Variants in SMG1 observed in about 807,000 individuals in gnomAD.
The protein encoded by SMG1 is serine/threonine-protein kinase SMG1.
Under a neutral mutation model 419.9 loss-of-function variants are expected in SMG1, and 22 were observed. That is an observed-to-expected ratio of 0.05 (90% CI 0.04 to 0.07). The LOEUF (loss-of-function observed/expected upper bound fraction) is 0.07. SMG1 is among the 10% of genes least tolerant of loss of function. The pLI is 1.00. For missense variants in SMG1, 3,185 were observed against 4,342.0 expected, an observed-to-expected ratio of 0.73 and a Z score of 7.49; for synonymous variants, 1,538 against 1,553.5, an observed-to-expected ratio of 0.99 and a Z score of 0.23.
In SMG1 at chr16:18,806,916, G is replaced by T. The variant is rs778704126; in HGVS notation, c.*2653C>A. The T allele has an allele frequency of 4.6e-5, 7 of 152,216 alleles. No homozygotes were observed. The highest frequency in any genetic ancestry group is 1.0e-4 in the Non-Finnish European group (7 of 68,042). The allele number at this position is 152,216 out of a possible 1,614,324, so 9.4% of individuals were successfully genotyped here. A position where few individuals can be genotyped will look rare whatever the true frequency, so the allele number is the denominator to read the frequency against. ...CAAATGGCAAGTCACCTTGTAGAAT[G>T]ACTTAACAGAGGAAGCCAAACTATA... On this transcript the variant is annotated 3_prime_UTR_variant, in exon 63 of 63. Transcript: ENST00000446231.
rs1230932605 is a variant in SMG1, at chr16:18,922,009, A to AT, written c.92+3940_92+3941insA. On this transcript the variant is annotated intron_variant, in intron 1 of 62. Transcript: ENST00000446231. ...AACAAGTAAGACCAATTACACAATT[A>AT]ATGTCCTAAAACCCCGAGTGGAGAA... Among the ~76,000 whole-genome samples the AT allele has an allele frequency of 2.6e-5, 4 of 152,366 alleles. No individual in the cohort carries two copies. The East Asian group carries it at 7.7e-4, about 29-fold the overall frequency.
In SMG1 at chr16:18,858,268, C is replaced by T. The variant is rs750702224; in HGVS notation, c.4136G>A (p.Ser1379Asn). 1.4e-5 allele frequency: 23 copies of T among 1,605,736 alleles called. No homozygotes were observed. Among genetic ancestry groups the T allele is most frequent in the African/African-American group, 4.0e-5 (3 of 74,436 alleles). Residue 1379 changes from serine (S) to asparagine (N), a missense_variant, in exon 29 of 63, where the codon AGT (serine) becomes AAT (asparagine). Physicochemically the swap from Ser to Asn is conservative, Grantham distance 46 (BLOSUM62 1). Around this residue, in one of 27 missense-constraint regions of SMG1, gnomAD observed 493 missense variants for 552.9 expected, o/e 0.89. Coordinates refer to ENST00000446231, the MANE Select transcript of SMG1 (RefSeq NM_015092.5). ...STEDCLIPLFSEALRSCKQHD... is the reference protein window; with the variant it reads ...STEDCLIPLFNEALRSCKQHD... Reference sequence around the variant, plus strand: ...CTGTTTACATGAACGTAAAGCTTCACTGAAGAGTGGAATAAGACAGTCCTG... The same window carrying T: ...CTGTTTACATGAACGTAAAGCTTCATTGAAGAGTGGAATAAGACAGTCCTG...
chr16:18,858,487 C>G (rs1248341364), intron 28 of SMG1, 197 bp from the exon 29 acceptor site: 37 of 357,466 alleles, frequency 1.0e-4, no homozygotes, highest in Non-Finnish European at 1.8e-4. Flanking sequence ...AAGAGAAAGC[C>G]TTTTGTTTTG....
At chr16:18,848,838 C>T (rs964068238) in intron 36 of SMG1, among the ~76,000 whole-genome samples, 6 of 151,446 alleles carry the variant, frequency 4.0e-5, no homozygotes, top group Non-Finnish European at 7.4e-5. Flanking sequence ...TTTGGGAGGC[C>T]GAGGCAAGTG....
At chr16:18,817,656 G>C (rs757556455) in intron 56 of SMG1, among the ~76,000 whole-genome samples, 186 bp from the exon 57 acceptor site, 6 of 152,146 alleles carry the variant, frequency 3.9e-5, no homozygotes, top group Admixed American at 6.5e-5. Context: ...CATTTATACT[G>C]ACACTGTTAG....
At chr16:18,842,130 C>G in intron 40 of SMG1, 78 bp downstream of exon 40, 1 of 1,449,552 alleles carries the variant, frequency 6.9e-7, no homozygotes, top group Non-Finnish European at 9.4e-7. Flanking sequence ...TAATCTCCTA[C>G]TATACACACC....
intron 58 of SMG1, chr16:18,816,008 A>C: frequency 2.2e-6 from 1 of 464,602 alleles, no homozygotes; most frequent in East Asian, 4.1e-5. Context: ...GAGAAAGACA[A>C]GCTGGATATC....
At chr16:18,836,856 C>T (rs951110718) in intron 46 of SMG1, among the ~76,000 whole-genome samples, 1 of 152,228 alleles carries the variant, frequency 6.6e-6, no homozygotes, top group Non-Finnish European at 1.5e-5. Context: ...TTTTACTGAG[C>T]ACCTGCTGTG....
chr16:18,867,866 G>A (rs1466666167), intron 22 of SMG1, among the ~76,000 whole-genome samples: 8 of 151,606 alleles, frequency 5.3e-5, no homozygotes, highest in Admixed American at 6.6e-5. Context: ...CTGCCACCAC[G>A]CCCAGCTAAT....
Position 18,852,866 on chromosome 16 carries a change from A to C in SMG1, c.4769-404T>G, listed in dbSNP as rs200257173. On this transcript the variant is annotated intron_variant, in intron 31 of 62. Coordinates refer to ENST00000446231, the MANE Select transcript of SMG1 (RefSeq NM_015092.5). ...AGGTGATGAGTATACTGTTTCATTC[A>C]TACAGACTCATGAGGCAAACATCTT... Among the ~76,000 whole-genome samples the C allele has an allele frequency of 3.9e-5, 6 of 152,338 alleles. No individual in the cohort carries two copies. The East Asian group carries it at 1.2e-3, about 29-fold the overall frequency.
chr16:18,907,154 C>T (rs1003665453), intron 1 of SMG1, among the ~76,000 whole-genome samples: 11 of 151,870 alleles, frequency 7.2e-5, no homozygotes, highest in Admixed American at 1.3e-4. Context: ...TGGTGGCAGG[C>T]GCCTGTAATC....
intron 1 of SMG1, among the ~76,000 whole-genome samples, chr16:18,922,030 G>C (rs1347308439): frequency 7.9e-5 from 12 of 152,188 alleles, no homozygotes. Context: ...ACCCCGAGTG[G>C]AGAAGTAAAA....
chr16:18,922,027 G>A (rs2038218235), intron 1 of SMG1, among the ~76,000 whole-genome samples: 1 of 152,198 alleles, frequency 6.6e-6, no homozygotes, highest in Non-Finnish European at 1.5e-5. Context: ...AAAACCCCGA[G>A]TGGAGAAGTA....
chr16:18,810,452 C>G (rs749639789), intron 62 of SMG1, among the ~76,000 whole-genome samples: 1 of 152,180 alleles, frequency 6.6e-6, no homozygotes, highest in African/African-American at 2.4e-5. Flanking sequence ...TAAAGCAGAT[C>G]AAGAAGTAGG....
In SMG1 at chr16:18,913,778, TA is replaced by T. The variant is rs540114485; in HGVS notation, c.92+12171del. 1.2e-3 allele frequency among the ~76,000 whole-genome samples: 172 copies of T among 149,212 alleles called. 1 individual carries two copies. Among genetic ancestry groups the T allele is most frequent in the African/African-American group, 3.8e-3 (157 of 40,834 alleles). On this transcript the variant is annotated intron_variant, in intron 1 of 62. Transcript: ENST00000446231. Reference sequence around the variant, plus strand: ...TTCTCTATGATGATAAAAAGGGTAATAAAAAAAAAATCTAGTGTCTCCCCTT... The same window carrying T: ...TTCTCTATGATGATAAAAAGGGTAATAAAAAAAAATCTAGTGTCTCCCCTT...
chr16:18,893,238 T>C (rs909380632), intron 3 of SMG1, among the ~76,000 whole-genome samples: 14 of 152,192 alleles, frequency 9.2e-5, no homozygotes, highest in African/African-American at 2.2e-4. Flanking sequence ...ACTAGAAAGG[T>C]AGCAAACCAC....
Position 18,892,089 on chromosome 16 carries a change from A to G in SMG1, c.549+129T>C, listed in dbSNP as rs2141819383. ...CTTTAAGAAGAAAAAGAAATTACAT[A>G]TTAGAGAGCATTAAGTTCTCGATCA... On this transcript the variant is annotated intron_variant, in intron 4 of 62. Coordinates refer to ENST00000446231, the MANE Select transcript of SMG1 (RefSeq NM_015092.5). The G allele has an allele frequency of 1.7e-5, 12 of 714,922 alleles. No individual in the cohort carries two copies. The South Asian group carries it at 2.0e-4, about 12-fold the overall frequency. 44.3% of individuals were successfully genotyped at this position (714,922 alleles called of 1,614,324 possible).
chr16:18,845,413 T>C lies in SMG1; in HGVS notation c.6219+16A>G, dbSNP rs2141335426. The C allele has an allele frequency of 1.9e-6, 3 of 1,603,360 alleles. No homozygotes were observed. The highest frequency in any genetic ancestry group is 2.6e-6 in the Non-Finnish European group (3 of 1,171,722). On this transcript the variant is annotated intron_variant, in intron 39 of 62. Coordinates refer to ENST00000446231, the MANE Select transcript of SMG1 (RefSeq NM_015092.5). ...TGATGTGCCATTTCAGTAGCATGCT[T>C]GGGATTATTCTGTACCTCTTTAAAT...
chr16:18,815,272 A>C lies in SMG1; in HGVS notation c.10524T>G (p.Asn3508Lys). The change falls in exon 60 of 63, where the codon AAT (asparagine) becomes AAG (lysine). Residue 3508 changes from asparagine (N) to lysine (K), a missense_variant. Coordinates refer to ENST00000446231, the MANE Select transcript of SMG1 (RefSeq NM_015092.5). ...AGGGTGATGCAAAACTCACTAAATT[A>C]TTATAGATACTGAAATACAAAATAA... ...ELKTQSQSIY[N>K]NLVSFASPLV... The C allele has an allele frequency of 1.9e-6, 3 of 1,576,140 alleles. No individual in the cohort carries two copies. Among genetic ancestry groups the C allele is most frequent in the Non-Finnish European group, 2.6e-6 (3 of 1,159,362 alleles).
Sources: allele counts gnomAD v4.1 joint callset (sites outside exome capture counted in the v4.1 genomes callset), GRCh38; gene constraint gnomAD v4.1.1; regional missense constraint gnomAD v4.1.1; transcripts MANE v1.5; gene names NCBI Gene and HGNC (gene_info 2026-07-23, HGNC 2026-07-21).